The following SCIN variants were observed in gnomAD, a reference collection of about 807,000 sequenced individuals.
SCIN encodes the protein adseverin.
SCIN carries 91 observed loss-of-function variants against 91.8 expected under a neutral mutation model. That is an observed-to-expected ratio of 0.99 (90% CI 0.84 to 1.18). The LOEUF (loss-of-function observed/expected upper bound fraction) is 1.18, where lower values mean the gene tolerates loss of function less well. Among genes scored for constraint, SCIN ranks in the 50% most tolerant of loss-of-function variants. The pLI is 0.00. For synonymous variants in SCIN, 367 were observed against 312.6 expected (o/e 1.17, Z -1.84); for missense variants, 1,087 against 863.9 (o/e 1.26, Z -3.24).
At chr7:12,648,246 T>C (rs13221491) in intron 13 of SCIN, among the ~76,000 whole-genome samples, 8,555 of 152,122 alleles carry the variant, frequency 0.056, 336 homozygotes, top group Non-Finnish European at 0.087. Context: ...TTATTGAAAT[T>C]TTTTGATTTA....
intron 4 of SCIN, among the ~76,000 whole-genome samples, chr7:12,616,216 C>A (rs1783296526): frequency 6.6e-6 from 1 of 151,926 alleles, no homozygotes; most frequent in Admixed American, 6.6e-5. Flanking sequence ...GTAGTGAAGC[C>A]CCAGCGGTGA....
intron 11 of SCIN, 65 bp from the exon 12 acceptor site, chr7:12,644,073 G>A (rs1054671093): frequency 8.4e-6 from 12 of 1,421,426 alleles, no homozygotes; most frequent in South Asian, 7.8e-5. Context: ...ACAGCTTCTG[G>A]GACATGTTTA....
intron 3 of SCIN, among the ~76,000 whole-genome samples, chr7:12,599,907 A>G (rs1199523370): frequency 2.0e-5 from 3 of 152,042 alleles, no homozygotes; most frequent in Non-Finnish European, 4.4e-5. Context: ...TAGATTCTTG[A>G]TATTAGTCCT....
At chr7:12,637,961 A>G (rs1299008916) in intron 10 of SCIN, among the ~76,000 whole-genome samples, 1 of 152,192 alleles carries the variant, frequency 6.6e-6, no homozygotes, top group Non-Finnish European at 1.5e-5. Flanking sequence ...ATCAATGTCT[A>G]GTTCTAGATC....
intron 3 of SCIN, among the ~76,000 whole-genome samples, chr7:12,593,114 G>T (rs1782760841): frequency 6.6e-6 from 1 of 152,250 alleles, no homozygotes; most frequent in African/African-American, 2.4e-5. Flanking sequence ...GGCAGACTAG[G>T]CAAGGGCTCT....
chr7:12,646,277 G>A (rs1479069268), intron 13 of SCIN, among the ~76,000 whole-genome samples: 1 of 152,192 alleles, frequency 6.6e-6, no homozygotes, highest in Non-Finnish European at 1.5e-5. Flanking sequence ...TGGTTCTGAA[G>A]GCTGAGAAGT....
intron 9 of SCIN, among the ~76,000 whole-genome samples, chr7:12,634,460 G>C (rs1265288509): frequency 1.3e-5 from 2 of 150,538 alleles, no homozygotes; most frequent in African/African-American, 4.9e-5. Flanking sequence ...ACTCCAGCCT[G>C]GGCAACAAGA....
intron 5 of SCIN, among the ~76,000 whole-genome samples, chr7:12,623,390 T>C (rs1430374981): frequency 7.9e-5 from 12 of 152,186 alleles, no homozygotes; most frequent in Non-Finnish European, 2.9e-5. Flanking sequence ...TTAACCTACC[T>C]ACTTCCATAT....
chr7:12,599,545 T>C (rs982957001), intron 3 of SCIN, among the ~76,000 whole-genome samples: 2 of 152,134 alleles, frequency 1.3e-5, no homozygotes, highest in Non-Finnish European at 2.9e-5. Context: ...TATTAGTGGG[T>C]TTGCTGGATC....
chr7:12,581,375 C>T (rs927366681), intron 3 of SCIN, among the ~76,000 whole-genome samples, 154 bp downstream of exon 3: 9 of 152,138 alleles, frequency 5.9e-5, no homozygotes, highest in African/African-American at 1.4e-4. Context: ...ATTTAAATGA[C>T]GCATGAAGTG....
At chr7:12,618,915 C>T (rs1179384102) in intron 4 of SCIN, among the ~76,000 whole-genome samples, 1 of 151,982 alleles carries the variant, frequency 6.6e-6, no homozygotes, top group African/African-American at 2.4e-5. Flanking sequence ...AATGAAATGC[C>T]TCATTTTCTA....
At chr7:12,623,485 A>T (rs1391349490) in intron 5 of SCIN, among the ~76,000 whole-genome samples, 1 of 152,132 alleles carries the variant, frequency 6.6e-6, no homozygotes, top group Non-Finnish European at 1.5e-5. Flanking sequence ...ACACACAACA[A>T]AGAAAGTAGG....
rs76638693 is a variant in SCIN, at chr7:12,649,512, G to A, written c.1927G>A (p.Asp643Asn). Reference protein sequence around the residue: ...GEFTQDDLAEDDVMLLDAWEQ... With the variant: ...GEFTQDDLAENDVMLLDAWEQ... ...GTTCACCCAGGATGATTTAGCTGAA[G>A]ATGATGTCATGTTACTAGATGCTTG... Residue 643 changes from aspartate to asparagine, a missense_variant, in exon 14 of 16, where the codon GAT (aspartate) becomes AAT (asparagine). By Grantham distance (23) the Asp-to-Asn change is conservative. Coordinates refer to ENST00000297029, the MANE Select transcript of SCIN (RefSeq NM_001112706.3). The A allele has an allele frequency of 6.3e-3, 10,162 of 1,602,756 alleles. 766 individuals carry two copies. In the Admixed American group the frequency reaches 0.15, roughly 23 times the overall value.
At chr7:12,575,554 A>AT (rs1562592133) in intron 1 of SCIN, among the ~76,000 whole-genome samples, 1 of 152,098 alleles carries the variant, frequency 6.6e-6, no homozygotes, top group African/African-American at 2.4e-5. Context: ...TTATTTTATC[A>AT]TGAATGGCTG....
intron 13 of SCIN, among the ~76,000 whole-genome samples, chr7:12,647,642 T>C (rs1176939193): frequency 6.6e-6 from 1 of 152,234 alleles, no homozygotes. Flanking sequence ...TCAAGTTAAG[T>C]GCTAAAGTTT....
At chr7:12,573,019 G>C (rs1294950691) in intron 1 of SCIN, among the ~76,000 whole-genome samples, 1 of 152,088 alleles carries the variant, frequency 6.6e-6, no homozygotes, top group African/African-American at 2.4e-5. Flanking sequence ...AAAAAAAAAT[G>C]AGAGTACTTG....
intron 4 of SCIN, among the ~76,000 whole-genome samples, chr7:12,617,227 C>T (rs1326107861): frequency 6.6e-6 from 1 of 151,976 alleles, no homozygotes; most frequent in Non-Finnish European, 1.5e-5. Context: ...ACAGGATCTA[C>T]CATTTGTTGA....
chr7:12,577,764 G>A, intron 1 of SCIN: 1 of 406,062 alleles, frequency 2.5e-6, no homozygotes, highest in Non-Finnish European at 4.6e-6. Flanking sequence ...ACTGAGGTAG[G>A]AGGATCGCTT....
At chr7:12,581,475 C>A (rs1782487280) in intron 3 of SCIN, among the ~76,000 whole-genome samples, 1 of 152,162 alleles carries the variant, frequency 6.6e-6, no homozygotes, top group African/African-American at 2.4e-5. Flanking sequence ...ATTTTTAATA[C>A]ATTTCCCCTT....
Sources: allele counts gnomAD v4.1 joint callset (sites outside exome capture counted in the v4.1 genomes callset), GRCh38; gene constraint gnomAD v4.1.1; transcripts MANE v1.5; gene names NCBI Gene and HGNC (gene_info 2026-07-23, HGNC 2026-07-21).